The following TBC1D32 variants were observed in gnomAD, a reference collection of about 807,000 sequenced individuals.
TBC1D32 encodes TBC1 domain family member 32.
TBC1D32 carries 151 observed loss-of-function variants against 170.3 expected under a neutral mutation model. The observed-to-expected ratio is 0.89, with a 90% CI of 0.78 to 1.01. The LOEUF (loss-of-function observed/expected upper bound fraction) is 1.01, where lower values mean the gene tolerates loss of function less well. Ranked by LOEUF, TBC1D32 falls within the 50% of genes least tolerant of loss-of-function variation. TBC1D32 has a pLI of 0.00. For missense variants in TBC1D32, 1,464 were observed against 1,457.1 expected (o/e 1.00, Z -0.08); for synonymous variants, 498 against 488.0 (o/e 1.02, Z -0.27).
intron 22 of TBC1D32, among the ~76,000 whole-genome samples, chr6:121,190,399 C>T (rs906797112): frequency 6.8e-5 from 10 of 146,246 alleles, no homozygotes; most frequent in Non-Finnish European, 1.5e-4. Context: ...ATACCCCTTC[C>T]CCCCACACAC....
At chr6:121,171,820 T>C (rs1787051832) in intron 22 of TBC1D32, among the ~76,000 whole-genome samples, 1 of 152,146 alleles carries the variant, frequency 6.6e-6, no homozygotes, top group Non-Finnish European at 1.5e-5. Context: ...ATCATGAGAA[T>C]GCTAGGGGGC....
chr6:121,242,915 A>G (rs1458200245), intron 17 of TBC1D32, among the ~76,000 whole-genome samples: 2 of 152,118 alleles, frequency 1.3e-5, no homozygotes, highest in Non-Finnish European at 2.9e-5. Flanking sequence ...TGGAGAATCA[A>G]TGCTTAGTCC....
intron 20 of TBC1D32, among the ~76,000 whole-genome samples, chr6:121,232,142 G>T (rs1795816346): frequency 6.6e-6 from 1 of 152,020 alleles, no homozygotes; most frequent in African/African-American, 2.4e-5. Context: ...TCTTCTACAT[G>T]TGGCTTGCTA....
intron 15 of TBC1D32, among the ~76,000 whole-genome samples, chr6:121,277,840 A>G (rs1036960610): frequency 1.3e-5 from 2 of 151,812 alleles, no homozygotes; most frequent in South Asian, 2.1e-4. Context: ...TTTTGAAAAG[A>G]ACAGTAAAAT....
At chr6:121,274,289 T>C (rs970952094) in intron 15 of TBC1D32, among the ~76,000 whole-genome samples, 1 of 151,622 alleles carries the variant, frequency 6.6e-6, no homozygotes, top group Non-Finnish European at 1.5e-5. Context: ...GCCAAGATCA[T>C]GCGACTGCAC....
intron 20 of TBC1D32, among the ~76,000 whole-genome samples, chr6:121,238,543 A>C (rs1310457234): frequency 6.6e-6 from 1 of 152,128 alleles, no homozygotes; most frequent in Non-Finnish European, 1.5e-5. Flanking sequence ...ATTTTAGTGA[A>C]CTTTGGAGAA....
intron 22 of TBC1D32, among the ~76,000 whole-genome samples, chr6:121,203,256 C>T (rs1791828462): frequency 6.6e-6 from 1 of 151,216 alleles, no homozygotes; most frequent in Non-Finnish European, 1.5e-5. Flanking sequence ...AAATGTATGA[C>T]TTACAAATAT....
intron 2 of TBC1D32, among the ~76,000 whole-genome samples, chr6:121,318,535 A>G (rs1364831502): frequency 6.6e-6 from 1 of 152,060 alleles, no homozygotes; most frequent in Non-Finnish European, 1.5e-5. Flanking sequence ...ATAAAGATGT[A>G]AGTAAAAATA....
intron 20 of TBC1D32, among the ~76,000 whole-genome samples, chr6:121,227,256 T>C (rs533606997): frequency 3.3e-5 from 5 of 152,210 alleles, no homozygotes; most frequent in African/African-American, 1.2e-4. Flanking sequence ...GATCTTTTGT[T>C]TGTGCTGGTG....
At chr6:121,265,895 C>T (rs957400641) in intron 15 of TBC1D32, among the ~76,000 whole-genome samples, 3 of 152,080 alleles carry the variant, frequency 2.0e-5, no homozygotes, top group Non-Finnish European at 4.4e-5. Flanking sequence ...AAATGGAAGC[C>T]TTCCTTACAC....
In TBC1D32 at chr6:121,223,298, T is replaced by G; in HGVS notation, c.2419A>C (p.Arg807=). ...LSYPAIYELV[R]NQDLPNKTEY... ...GTTTTATTAGGAAGATCTTGATTCC[T>G]TACAAGCTCATAAATAGCAGGATAG... Residue 807 remains arginine, a synonymous_variant, in exon 21 of 32, where the codon AGG becomes CGG. Transcript: ENST00000398212. 1 of 1,599,124 alleles carries G rather than the reference T, an allele frequency of 6.3e-7. No homozygotes were observed. Among genetic ancestry groups the G allele is most frequent in the Non-Finnish European group, 8.5e-7 (1 of 1,175,232 alleles).
intron 22 of TBC1D32, among the ~76,000 whole-genome samples, chr6:121,179,296 T>TTG (rs57769629): frequency 7.0e-4 from 104 of 147,960 alleles, no homozygotes; most frequent in Middle Eastern, 3.5e-3. Flanking sequence ...TATGTATAGT[T>TTG]TGTGTGTGTG....
intron 17 of TBC1D32, among the ~76,000 whole-genome samples, chr6:121,249,226 T>C (rs1219259487): frequency 6.6e-6 from 1 of 150,856 alleles, no homozygotes; most frequent in Non-Finnish European, 1.5e-5. Flanking sequence ...ATTATTATTA[T>C]CTCAATAAAA....
chr6:121,322,945 T>A (rs1050167078), intron 1 of TBC1D32, among the ~76,000 whole-genome samples: 1 of 151,982 alleles, frequency 6.6e-6, no homozygotes, highest in Admixed American at 6.6e-5. Context: ...CCCCCATATA[T>A]GGCCTCTTAT....
At chr6:121,190,483 CCTCA>C (rs1335223565) in intron 22 of TBC1D32, among the ~76,000 whole-genome samples, 2 of 151,452 alleles carry the variant, frequency 1.3e-5, no homozygotes, top group Non-Finnish European at 2.9e-5. Context: ...TCCCTTCCCT[CCTCA>C]CTATCATCTT....
Position 121,281,660 on chromosome 6 carries a change from T to TCAC in TBC1D32, c.1489_1491dup (p.Val497dup), listed in dbSNP as rs1432395223. On this transcript the variant is annotated inframe_insertion, in exon 14 of 32. Transcript: ENST00000398212. Reference sequence around the variant, plus strand: ...TCACTGAGTATCCACAGAACTTCAGTCACCATACTTGCAGGAGAGTAATTC... The same window carrying TCAC: ...TCACTGAGTATCCACAGAACTTCAGTCACCACCATACTTGCAGGAGAGTAATTC... 1 of 1,599,700 alleles carries TCAC rather than the reference T, an allele frequency of 6.3e-7. No homozygotes were observed.
At chr6:121,289,949 T>C (rs1040012344) in intron 12 of TBC1D32, among the ~76,000 whole-genome samples, 4 of 152,172 alleles carry the variant, frequency 2.6e-5, no homozygotes, top group Admixed American at 6.5e-5. Flanking sequence ...TAGACATATG[T>C]AGAAAGCTGA....
intron 27 of TBC1D32, among the ~76,000 whole-genome samples, chr6:121,114,365 A>G (rs1779487075): frequency 6.6e-6 from 1 of 152,216 alleles, no homozygotes; most frequent in Admixed American, 6.5e-5. Context: ...AAGATATTAT[A>G]TTGAGTTAAA....
chr6:121,170,567 A>G (rs538305929), intron 22 of TBC1D32: 9 of 1,423,732 alleles, frequency 6.3e-6, no homozygotes, highest in Non-Finnish European at 8.3e-6. Context: ...TGTGTAAAAT[A>G]TGTCCCAAAA....
Sources: gnomAD v4.1 joint callset for allele counts (sites outside exome capture counted in the v4.1 genomes callset) on GRCh38, gnomAD v4.1.1 for gene constraint, MANE v1.5 for transcripts, NCBI Gene and HGNC (gene_info 2026-07-23, HGNC 2026-07-21) for gene names.